The following GREM2 variants were observed in gnomAD, a reference collection of about 807,000 sequenced individuals.
GREM2 encodes the protein gremlin 2, DAN family BMP antagonist.
A neutral mutation model predicts 14.2 loss-of-function variants in GREM2; 11 were observed. The ratio of observed to expected loss-of-function variants is 0.78; its 90% CI spans 0.49 to 1.28. GREM2 has a LOEUF of 1.28. GREM2 is among the 50% of genes most tolerant of loss of function. The pLI is 0.00. For synonymous variants in GREM2, 98 were observed against 97.6 expected, an observed-to-expected ratio of 1.00 and a Z score of -0.02; for missense variants, 210 against 218.5, an observed-to-expected ratio of 0.96 and a Z score of 0.24.
At chr1:240,605,794 A>G (rs12403028) in intron 1 of GREM2, among the ~76,000 whole-genome samples, 32,028 of 151,944 alleles carry the variant, frequency 0.21, 4,192 homozygotes, top group Middle Eastern at 0.31. Context: ...AGATAAATTT[A>G]CAGGAACACC....
intron 1 of GREM2, among the ~76,000 whole-genome samples, chr1:240,606,829 C>T (rs1249452904): frequency 6.6e-6 from 1 of 152,036 alleles, no homozygotes; most frequent in African/African-American, 2.4e-5. Flanking sequence ...CAGGCGTGCA[C>T]CACCATGCCC....
At chr1:240,576,126 G>A (rs1250246953) in intron 1 of GREM2, among the ~76,000 whole-genome samples, 1 of 152,126 alleles carries the variant, frequency 6.6e-6, no homozygotes, top group Non-Finnish European at 1.5e-5. Flanking sequence ...TGAATTCTCT[G>A]GAGGATACAG....
intron 1 of GREM2, among the ~76,000 whole-genome samples, chr1:240,608,220 C>T (rs191583413): frequency 6.6e-6 from 1 of 152,284 alleles, no homozygotes; most frequent in Admixed American, 6.5e-5. Context: ...TCTAATCTGG[C>T]ACATGGTATG....
chr1:240,584,645 G>A (rs1679556230), intron 1 of GREM2, among the ~76,000 whole-genome samples: 2 of 152,136 alleles, frequency 1.3e-5, no homozygotes, highest in Non-Finnish European at 1.5e-5. Context: ...AGGAGGATAA[G>A]GCTGCAGTGA....
chr1:240,600,307 C>T (rs917290293), intron 1 of GREM2, among the ~76,000 whole-genome samples: 1 of 151,912 alleles, frequency 6.6e-6, no homozygotes, highest in Non-Finnish European at 1.5e-5. Flanking sequence ...GTGGAGAAAG[C>T]AGAAAAAAAA....
intron 1 of GREM2, among the ~76,000 whole-genome samples, chr1:240,575,623 C>T (rs1252026581): frequency 6.6e-6 from 1 of 151,626 alleles, no homozygotes; most frequent in Admixed American, 6.6e-5. Flanking sequence ...CGGGTTCAAG[C>T]GATTCTCCTG....
chr1:240,551,675 T>C (rs1200952441), intron 1 of GREM2, among the ~76,000 whole-genome samples: 3 of 152,040 alleles, frequency 2.0e-5, no homozygotes, highest in Non-Finnish European at 4.4e-5. Context: ...CTAAATGAAC[T>C]ATTGAATGAG....
chr1:240,609,167 A>G (rs547413401), intron 1 of GREM2, among the ~76,000 whole-genome samples: 2 of 152,234 alleles, frequency 1.3e-5, no homozygotes, highest in South Asian at 4.2e-4. Flanking sequence ...CAATCTTTAT[A>G]TCATGTCACT....
rs142474345 is a variant in GREM2 at position 240,586,105 on chromosome 1, T to A, written c.-2+25779A>T. 2.6e-3 allele frequency among the ~76,000 whole-genome samples: 401 copies of A among 151,954 alleles called. 10 individuals carry two copies. The highest frequency in any genetic ancestry group is 0.022 in the Admixed American group (334 of 15,268). Reference sequence around the variant, plus strand: ...GACTTACTCTAGAAACTATTATGCTTCACAAGCAAATTTAAGAAAAATTTT... The same window carrying A: ...GACTTACTCTAGAAACTATTATGCTACACAAGCAAATTTAAGAAAAATTTT... On this transcript the variant is annotated intron_variant, in intron 1 of 1. Coordinates refer to ENST00000318160, the MANE Select transcript of GREM2 (RefSeq NM_022469.4).
chr1:240,510,103 C>T (rs1019369088), intron 1 of GREM2, among the ~76,000 whole-genome samples: 7 of 152,220 alleles, frequency 4.6e-5, no homozygotes, highest in Admixed American at 1.3e-4. Context: ...GGTGCGGTGG[C>T]TCACGCCTGT....
chr1:240,584,025 G>A (rs1679540810), intron 1 of GREM2, among the ~76,000 whole-genome samples: 1 of 151,998 alleles, frequency 6.6e-6, no homozygotes, highest in South Asian at 2.1e-4. Context: ...AGAACTGTAG[G>A]GTTTATCTTT....
At chr1:240,573,988 T>C (rs1679309092) in intron 1 of GREM2, among the ~76,000 whole-genome samples, 1 of 152,152 alleles carries the variant, frequency 6.6e-6, no homozygotes, top group Non-Finnish European at 1.5e-5. Flanking sequence ...GGCTTGATCT[T>C]GGCTCACAGC....
chr1:240,564,239 C>T (rs1389496357), intron 1 of GREM2, among the ~76,000 whole-genome samples: 1 of 150,956 alleles, frequency 6.6e-6, no homozygotes, highest in African/African-American at 2.4e-5. Flanking sequence ...GGTGTGGTGG[C>T]TCACGCCTGT....
intron 1 of GREM2, among the ~76,000 whole-genome samples, chr1:240,596,553 C>T (rs1279880199): frequency 5.9e-5 from 9 of 151,870 alleles, no homozygotes; most frequent in Non-Finnish European, 1.0e-4. Flanking sequence ...AAAAATTAGC[C>T]GGTCATAGTG....
At chr1:240,512,340 T>C (rs1677851832) in intron 1 of GREM2, among the ~76,000 whole-genome samples, 1 of 152,164 alleles carries the variant, frequency 6.6e-6, no homozygotes, top group South Asian at 2.1e-4. Flanking sequence ...TATCCTTCAA[T>C]ATTAATAGAA....
At chr1:240,521,263 T>C (rs1219270263) in intron 1 of GREM2, among the ~76,000 whole-genome samples, 1 of 152,070 alleles carries the variant, frequency 6.6e-6, no homozygotes, top group Non-Finnish European at 1.5e-5. Context: ...CACTGTTCTA[T>C]ATCTTAAAAA....
At chr1:240,553,427 C>T (rs2103340815) in intron 1 of GREM2, among the ~76,000 whole-genome samples, 1 of 152,276 alleles carries the variant, frequency 6.6e-6, no homozygotes, top group South Asian at 2.1e-4. Flanking sequence ...TTTTGATATC[C>T]TCACTCATGG....
intron 1 of GREM2, among the ~76,000 whole-genome samples, chr1:240,509,200 GT>G (rs1677744094): frequency 6.6e-6 from 1 of 152,078 alleles, no homozygotes; most frequent in Non-Finnish European, 1.5e-5. Flanking sequence ...CCTGTGGGCT[GT>G]GCCTTCTGCA....
intron 1 of GREM2, among the ~76,000 whole-genome samples, chr1:240,537,096 A>G (rs1678490290): frequency 6.6e-6 from 1 of 152,220 alleles, no homozygotes; most frequent in Non-Finnish European, 1.5e-5. Flanking sequence ...TTTTCCCCAG[A>G]AGCCAGAATA....
Sources: gnomAD v4.1 joint callset for allele counts (sites outside exome capture counted in the v4.1 genomes callset) on GRCh38, gnomAD v4.1.1 for gene constraint, MANE v1.5 for transcripts, NCBI Gene and HGNC (gene_info 2026-07-23, HGNC 2026-07-21) for gene names.